The following ITIH5 variants were observed in gnomAD, a reference collection of about 807,000 sequenced individuals.
ITIH5 encodes inter-alpha-trypsin inhibitor heavy chain H5.
In ITIH5, 65 loss-of-function variants were observed where a neutral mutation model predicts 77.5. That is an observed-to-expected ratio of 0.84 (90% confidence interval 0.69 to 1.03). ITIH5 has a LOEUF of 1.03. Ranked by LOEUF, ITIH5 falls within the 50% of genes least tolerant of loss-of-function variation. The pLI is 0.00. For missense variants in ITIH5, 1,208 were observed against 1,213.1 expected (o/e 1.00, Z 0.06); for synonymous variants, 525 against 494.3 (o/e 1.06, Z -0.82).
chr10:7,586,677 C>T (rs1038220647), intron 7 of ITIH5, among the ~76,000 whole-genome samples: 12 of 151,984 alleles, frequency 7.9e-5, no homozygotes, highest in African/African-American at 2.2e-4. Flanking sequence ...AATGAATGAA[C>T]GTTTAATGAA....
At chr10:7,612,686 GA>G (rs1394117315) in intron 7 of ITIH5, among the ~76,000 whole-genome samples, 3 of 146,262 alleles carry the variant, frequency 2.1e-5, no homozygotes, top group Non-Finnish European at 4.5e-5. Context: ...GAAAGGAAAA[GA>G]AAGAACATCT....
chr10:7,587,431 C>A (rs903605039), intron 7 of ITIH5, among the ~76,000 whole-genome samples: 2 of 152,172 alleles, frequency 1.3e-5, no homozygotes, highest in Non-Finnish European at 2.9e-5. Context: ...GAAAGGACAT[C>A]CGGCACCTTT....
intron 5 of ITIH5, chr10:7,618,839 T>C (rs967773292): frequency 2.6e-5 from 4 of 152,260 alleles, no homozygotes; most frequent in African/African-American, 9.6e-5. Flanking sequence ...AAAGGAAGTT[T>C]AAACATTTCC....
chr10:7,609,491 T>C (rs1390487698), intron 7 of ITIH5: 2 of 456,706 alleles, frequency 4.4e-6, no homozygotes, highest in Non-Finnish European at 8.8e-6. Context: ...GAGAAACCAA[T>C]GTCCTAGAGC....
chr10:7,626,276 A>G (rs1186106399), intron 5 of ITIH5, among the ~76,000 whole-genome samples: 15 of 152,246 alleles, frequency 9.9e-5, no homozygotes, highest in African/African-American at 3.4e-4. Flanking sequence ...ATTGGGCTAC[A>G]GAGAAAAGCC....
chr10:7,598,106 A>C (rs1193175686), intron 7 of ITIH5, among the ~76,000 whole-genome samples: 1 of 152,222 alleles, frequency 6.6e-6, no homozygotes, highest in East Asian at 1.9e-4. Flanking sequence ...GTAACACTTC[A>C]GGGGGTTATG....
chr10:7,564,805 G>A (rs567032323), intron 13 of ITIH5, among the ~76,000 whole-genome samples: 163 of 150,636 alleles, frequency 1.1e-3, no homozygotes, highest in African/African-American at 3.1e-3. Flanking sequence ...CAGACTGTGT[G>A]TATATATACA....
intron 11 of ITIH5, chr10:7,571,309 G>A (rs553691759): frequency 1.2e-4 from 18 of 152,250 alleles, no homozygotes; most frequent in African/African-American, 4.1e-4. Flanking sequence ...CAGGACCCCC[G>A]CGGATACTAA....
intron 2 of ITIH5, among the ~76,000 whole-genome samples, chr10:7,655,318 G>C (rs186433418): frequency 1.6e-4 from 24 of 152,176 alleles, no homozygotes; most frequent in African/African-American, 5.5e-4. Flanking sequence ...TCACAACAAA[G>C]CTCTCATTTC....
At chr10:7,606,666 C>T (rs1833132222) in intron 7 of ITIH5, among the ~76,000 whole-genome samples, 1 of 152,176 alleles carries the variant, frequency 6.6e-6, no homozygotes, top group African/African-American at 2.4e-5. Flanking sequence ...ATAATCTGTA[C>T]ACCAAACCCC....
At chr10:7,586,190 T>G (rs987700272) in intron 7 of ITIH5, 121 bp from the exon 8 acceptor site, 3 of 825,086 alleles carry the variant, frequency 3.6e-6, no homozygotes, top group Non-Finnish European at 5.5e-6. Context: ...GTGTCAGCTA[T>G]GTAAAGGGCA....
chr10:7,567,319 T>TTTATTTTTATTA (rs1554746956), intron 12 of ITIH5, among the ~76,000 whole-genome samples: 1 of 139,498 alleles, frequency 7.2e-6, no homozygotes, highest in Non-Finnish European at 1.5e-5. Flanking sequence ...TCGGACATCT[T>TTTATTTTTATTA]TTATTATTAT....
intron 7 of ITIH5, among the ~76,000 whole-genome samples, chr10:7,604,618 A>G (rs749203891): frequency 2.2e-4 from 34 of 152,352 alleles, no homozygotes; most frequent in Admixed American, 5.2e-4. Context: ...AAACCTTCAC[A>G]CTATAGCATA....
At chr10:7,614,471 T>C (rs947172070) in intron 7 of ITIH5, among the ~76,000 whole-genome samples, 5 of 152,200 alleles carry the variant, frequency 3.3e-5, no homozygotes, top group Non-Finnish European at 5.9e-5. Context: ...ATCGTGAGAT[T>C]TTTTTGCGTG....
At chr10:7,565,029 CATAG>C (rs1209705828) in intron 13 of ITIH5, among the ~76,000 whole-genome samples, 1 of 143,968 alleles carries the variant, frequency 6.9e-6, no homozygotes, top group African/African-American at 2.6e-5. Flanking sequence ...TATATACATA[CATAG>C]ACTGTATATA....
intron 4 of ITIH5, 39 bp from the exon 5 acceptor site, chr10:7,637,517 A>G: frequency 6.3e-7 from 1 of 1,599,162 alleles, no homozygotes; most frequent in Non-Finnish European, 8.5e-7. Flanking sequence ...GGAGGTTCGG[A>G]AGAGGATAGA....
At chr10:7,609,133 G>T (rs903053079) in intron 7 of ITIH5, among the ~76,000 whole-genome samples, 1 of 152,118 alleles carries the variant, frequency 6.6e-6, no homozygotes, top group Non-Finnish European at 1.5e-5. Context: ...CATTTTCCTG[G>T]TCTCCACCTT....
At position 7,644,564 on chromosome 10, in the gene ITIH5, A is replaced by ATGATATATCACATATATG. The variant is rs1564277531; in HGVS notation, c.136-2475_136-2474insCATATATGTGATATATCA. Among the ~76,000 whole-genome samples, 19 of 135,766 alleles carry ATGATATATCACATATATG rather than the reference A, an allele frequency of 1.4e-4. 1 individual carries two copies. The highest frequency in any genetic ancestry group is 4.1e-4 in the East Asian group (2 of 4,842). 89.1% of individuals were successfully genotyped at this position (135,766 alleles called of 152,430 possible). A position where few individuals can be genotyped will look rare whatever the true frequency, so the allele number is the denominator to read the frequency against. On this transcript the variant is annotated intron_variant, in intron 2 of 13. Coordinates refer to ENST00000397146, the MANE Select transcript of ITIH5 (RefSeq NM_030569.7). The stretch of plus-strand genomic sequence containing the variant: ...CATATATATGATATATCACATATAT[A>ATGATATATCACATATATG]TGATATATATCACATATATCACATA...
At chr10:7,648,735 G>A (rs2026613) in intron 2 of ITIH5, among the ~76,000 whole-genome samples, 19 of 151,926 alleles carry the variant, frequency 1.3e-4, no homozygotes, top group Admixed American at 5.9e-4. Context: ...TTATTTATGA[G>A]ATAAGAAATA....
Sources: gnomAD v4.1 joint callset for allele counts (sites outside exome capture counted in the v4.1 genomes callset) on GRCh38, gnomAD v4.1.1 for gene constraint, MANE v1.5 for transcripts, NCBI Gene and HGNC (gene_info 2026-07-23, HGNC 2026-07-21) for gene names.